BLTP1: variants seen among roughly 807,000 people sequenced by gnomAD.
BLTP1 encodes fragile site-associated protein.
chr4:122,178,206 T>G, the BLTP1 span: 3 of 828,522 alleles, frequency 3.6e-6, no homozygotes, highest in Non-Finnish European at 4.4e-6. Context: ...TTAATTCTTA[T>G]GAGATTCTTC....
At chr4:122,267,954 G>GAT in the BLTP1 span, among the ~76,000 whole-genome samples, 1 of 151,924 alleles carries the variant, frequency 6.6e-6, no homozygotes. Context: ...ACTTGTGTCT[G>GAT]ATATATAGCT....
the BLTP1 span, chr4:122,298,606 CA>C: frequency 1.5e-6 from 1 of 665,874 alleles, no homozygotes; most frequent in Non-Finnish European, 1.8e-6. Context: ...AGGTGATAAG[CA>C]AATTACAAAG....
the BLTP1 span, among the ~76,000 whole-genome samples, chr4:122,166,333 C>T: frequency 6.6e-6 from 1 of 152,148 alleles, no homozygotes; most frequent in African/African-American, 2.4e-5. Flanking sequence ...AATAGGGAAT[C>T]CTTTCCCCAT....
the BLTP1 span, among the ~76,000 whole-genome samples, chr4:122,218,550 C>T: frequency 6.6e-6 from 1 of 152,110 alleles, no homozygotes; most frequent in Non-Finnish European, 1.5e-5. Context: ...ATAATTTTGT[C>T]AATAACCAAA....
the BLTP1 span, chr4:122,356,857 C>T: frequency 1.3e-6 from 2 of 1,486,118 alleles, no homozygotes; most frequent in African/African-American, 2.8e-5. Flanking sequence ...TGGAATATAT[C>T]TCCCGTGAGT....
At chr4:122,254,743 GAGATTGTTTGGAATACAA>G in the BLTP1 span, 1 of 1,425,520 alleles carries the variant, frequency 7.0e-7, no homozygotes, top group South Asian at 1.6e-5. Flanking sequence ...GTAGGTATGG[GAGATTGTTTGGAATACAA>G]ATTTTGACAC....
the BLTP1 span, among the ~76,000 whole-genome samples, chr4:122,215,914 A>G: frequency 5.8e-4 from 88 of 151,610 alleles, no homozygotes; most frequent in Non-Finnish European, 1.1e-3. Context: ...CTTATCCCCC[A>G]CTTATGAGTG....
At chr4:122,224,594 C>G in the BLTP1 span, 1 of 1,614,062 alleles carries the variant, frequency 6.2e-7, no homozygotes, top group Non-Finnish European at 8.5e-7. Context: ...AGAAGGTCTT[C>G]CTTTGGGAAG....
the BLTP1 span, chr4:122,164,547 C>G: frequency 2.9e-6 from 1 of 344,496 alleles, no homozygotes; most frequent in East Asian, 1.7e-4. Context: ...TATCCTATTG[C>G]TGCTGGTATT....
the BLTP1 span, chr4:122,345,975 A>C: frequency 1.0e-6 from 1 of 971,744 alleles, no homozygotes; most frequent in Non-Finnish European, 1.2e-6. Context: ...AAAATAAAGA[A>C]GGAAATGTCT....
At chr4:122,342,996 G>T in the BLTP1 span, among the ~76,000 whole-genome samples, 19 of 152,194 alleles carry the variant, frequency 1.2e-4, no homozygotes, top group Non-Finnish European at 2.4e-4. Context: ...ACCTTGCCCT[G>T]TTTCCACTGC....
At chr4:122,200,132 GAAA>G in the BLTP1 span, 1 of 905,892 alleles carries the variant, frequency 1.1e-6, no homozygotes, top group Non-Finnish European at 1.3e-6. Flanking sequence ...TAAATTAAGA[GAAA>G]AATTCTGCAA....
the BLTP1 span, chr4:122,305,861 T>G: frequency 1.3e-6 from 2 of 1,561,484 alleles, no homozygotes; most frequent in South Asian, 2.4e-5. Flanking sequence ...TTATTGAGCT[T>G]TAAATTTTAT....
At chr4:122,202,724 G>T in the BLTP1 span, 6 of 160,506 alleles carry the variant, frequency 3.7e-5, no homozygotes, top group Non-Finnish European at 7.9e-5. Context: ...CATTCTTCAT[G>T]ATTTGAAAAT....
At chr4:122,270,337 G>A in the BLTP1 span, 1 of 984,506 alleles carries the variant, frequency 1.0e-6, no homozygotes, top group Non-Finnish European at 1.2e-6. Flanking sequence ...TGGAAGAAGA[G>A]GGAAAAATAC....
the BLTP1 span, chr4:122,270,996 T>G: frequency 6.5e-7 from 1 of 1,548,058 alleles, no homozygotes; most frequent in African/African-American, 1.4e-5. Context: ...AACCGTGTCC[T>G]TTTTTTATTT....
At chr4:122,293,014 CCTT>C in the BLTP1 span, 1 of 898,442 alleles carries the variant, frequency 1.1e-6, no homozygotes, top group Non-Finnish European at 1.3e-6. Flanking sequence ...GAAATAACCT[CCTT>C]AATAACACTT....
At chr4:122,270,952 A>G in the BLTP1 span, 3 of 1,470,400 alleles carry the variant, frequency 2.0e-6, no homozygotes, top group African/African-American at 4.3e-5. Context: ...CTATAAATTA[A>G]TAAAGATGTA....
chr4:122,301,419 T>A, the BLTP1 span: 2 of 1,433,122 alleles, frequency 1.4e-6, no homozygotes, highest in Non-Finnish European at 1.9e-6. Flanking sequence ...ATAATGATAC[T>A]TTTATAAAAA....
Sources: gnomAD v4.1 joint callset for allele counts (sites outside exome capture counted in the v4.1 genomes callset) on GRCh38, gnomAD v4.1.1 for gene constraint, MANE v1.5 for transcripts, NCBI Gene and HGNC (gene_info 2026-07-23, HGNC 2026-07-21) for gene names.